PHF21B: variants seen among roughly 807,000 people sequenced by gnomAD.
PHF21B encodes PHD finger protein 21B.
PHF21B carries 22 observed loss-of-function variants against 62.2 expected under a neutral mutation model. That is an observed-to-expected ratio of 0.35 (90% CI 0.25 to 0.51). The LOEUF (loss-of-function observed/expected upper bound fraction) is 0.51, where lower values mean the gene tolerates loss of function less well. PHF21B is among the 20% of genes least tolerant of loss of function. The pLI, the probability that PHF21B is intolerant of heterozygous loss-of-function variation, is 0.97. For missense variants in PHF21B, 701 were observed against 707.9 expected (o/e 0.99, Z 0.11); for synonymous variants, 341 against 314.7 (o/e 1.08, Z -0.88).
chr22:44,883,411 G>T, intron 12 of PHF21B, 107 bp from the exon 13 acceptor site: 1 of 1,058,252 alleles, frequency 9.4e-7, no homozygotes, highest in Non-Finnish European at 1.3e-6. Flanking sequence ...AGGCCTACAA[G>T]AAACCAGGCT....
At chr22:44,894,935 G>A (rs1342375381) in intron 6 of PHF21B, among the ~76,000 whole-genome samples, 1 of 152,192 alleles carries the variant, frequency 6.6e-6, no homozygotes, top group Non-Finnish European at 1.5e-5. Context: ...CCCCTCCCCT[G>A]GGCTTCGGTG....
At chr22:44,991,898 A>G (rs1267856534) in intron 2 of PHF21B, among the ~76,000 whole-genome samples, 1 of 152,232 alleles carries the variant, frequency 6.6e-6, no homozygotes, top group Non-Finnish European at 1.5e-5. Flanking sequence ...CCAAAAACAT[A>G]TTTAGTAAAT....
intron 2 of PHF21B, among the ~76,000 whole-genome samples, chr22:44,991,063 G>A (rs1001209641): frequency 7.2e-5 from 11 of 152,170 alleles, no homozygotes; most frequent in African/African-American, 2.7e-4. Context: ...TGTCACGAGG[G>A]TGCCGTCCAT....
intron 2 of PHF21B, among the ~76,000 whole-genome samples, chr22:44,959,633 G>C (rs1428534441): frequency 6.6e-6 from 1 of 152,190 alleles, no homozygotes; most frequent in Non-Finnish European, 1.5e-5. Context: ...GCACCCAGGT[G>C]GTCCCGGTGC....
chr22:44,936,171 T>C (rs5766210), intron 2 of PHF21B, among the ~76,000 whole-genome samples: 91,233 of 152,164 alleles, frequency 0.6, 29,449 homozygotes, highest in Admixed American at 0.71. Context: ...CTGGGATGAA[T>C]GGGCCAAGCC....
chr22:44,990,568 G>A (rs866883031), intron 2 of PHF21B, among the ~76,000 whole-genome samples: 25 of 152,158 alleles, frequency 1.6e-4, no homozygotes, highest in African/African-American at 5.8e-4. Flanking sequence ...AAAAGCCAGT[G>A]GCAAAAAGAT....
chr22:44,907,963 C>T (rs2071280253), intron 5 of PHF21B, among the ~76,000 whole-genome samples: 1 of 152,192 alleles, frequency 6.6e-6, no homozygotes, highest in Admixed American at 6.5e-5. Flanking sequence ...TGAGGCCAGC[C>T]TTGTGGCCCC....
At position 44,900,669 on chromosome 22, in the gene PHF21B, C is replaced by T. The variant is rs1365721281; in HGVS notation, c.832-4586G>A. 2.6e-5 allele frequency among the ~76,000 whole-genome samples: 4 copies of T among 152,260 alleles called. No homozygotes were observed. In the East Asian group the frequency reaches 7.7e-4, roughly 29 times the overall value. On this transcript the variant is annotated intron_variant, in intron 5 of 12. Transcript: ENST00000313237. Reference sequence around the variant, plus strand: ...GCTTGGCTGCAAATGAAATCCTTGGCTTGTTCTTTCTTTCCCTTATTTTCT... The same window carrying T: ...GCTTGGCTGCAAATGAAATCCTTGGTTTGTTCTTTCTTTCCCTTATTTTCT...
At chr22:44,944,506 T>C (rs1405399760) in intron 2 of PHF21B, among the ~76,000 whole-genome samples, 1 of 152,196 alleles carries the variant, frequency 6.6e-6, no homozygotes, top group East Asian at 1.9e-4. Context: ...CAAGTTTGTA[T>C]TATTGCCTCG....
At chr22:44,980,669 C>A (rs970024652) in intron 2 of PHF21B, among the ~76,000 whole-genome samples, 1 of 152,216 alleles carries the variant, frequency 6.6e-6, no homozygotes, top group Non-Finnish European at 1.5e-5. Context: ...ACTGCCTCCC[C>A]CAAGACCGCA....
At position 45,009,263 on chromosome 22, in the gene PHF21B, C is replaced by T. The variant is rs2073382192; in HGVS notation, c.54+233G>A. ...ATCGCTTAAGAGAAGACTCCAGGCT[C>T]GGGTCCCACGCGTCCTCGATCCCGC... is the stretch of plus-strand genomic sequence containing the variant. On this transcript the variant is annotated intron_variant, in intron 1 of 12. Transcript: ENST00000313237. The surrounding 1 kb of genome is among the most constrained non-coding windows in gnomAD (Gnocchi z 5.9). 1 of 547,282 alleles carries T rather than the reference C, an allele frequency of 1.8e-6. No individual in the cohort carries two copies. Among genetic ancestry groups the T allele is most frequent in the Admixed American group, 4.0e-5 (1 of 25,292 alleles). The allele number at this position is 547,282 out of a possible 1,614,324, so 33.9% of individuals were successfully genotyped here.
In PHF21B at chr22:44,887,963, C is replaced by T; in HGVS notation, c.1197G>A (p.Lys399=). The stretch of plus-strand genomic sequence containing the variant: ...GAGGGGGTCACACAGCCTCCTGTAC[C>T]TTCTGCTGGCACCTGGGGCACACCC... The part of the protein sequence containing the change: ...GVWVCPRCQQ[K]ALKKDEGVPW... Residue 399 remains lysine (K), a splice_region_variant and synonymous_variant, in exon 10 of 13, where the codon AAG becomes AAA. Transcript: ENST00000313237. 6.6e-7 allele frequency: 1 copy of T among 1,522,922 alleles called. No individual in the cohort carries two copies. The highest frequency in any genetic ancestry group is 8.8e-7 in the Non-Finnish European group (1 of 1,133,862). The allele number at this position is 1,522,922 out of a possible 1,614,324, so 94.3% of individuals were successfully genotyped here.
At chr22:44,923,248 A>G (rs956269353) in intron 2 of PHF21B, among the ~76,000 whole-genome samples, 1 of 152,020 alleles carries the variant, frequency 6.6e-6, no homozygotes, top group Non-Finnish European at 1.5e-5. Flanking sequence ...AAAAAAGATA[A>G]TGTTTTCAAA....
chr22:45,001,733 C>T (rs2073222534), intron 2 of PHF21B: 1 of 152,220 alleles, frequency 6.6e-6, no homozygotes, highest in Non-Finnish European at 1.5e-5. Context: ...TGAGCTGTTC[C>T]CAAGAGACCT....
intron 2 of PHF21B, chr22:45,003,590 C>T (rs981464309): frequency 2.0e-5 from 3 of 152,302 alleles, no homozygotes; most frequent in Non-Finnish European, 4.4e-5. Context: ...GGGATTCATT[C>T]CAAGAGCAAG....
intron 2 of PHF21B, among the ~76,000 whole-genome samples, chr22:44,955,713 G>A (rs960284459): frequency 3.3e-5 from 5 of 152,120 alleles, no homozygotes; most frequent in African/African-American, 7.2e-5. Flanking sequence ...TGACAGCACC[G>A]GCGTTCCAGA....
intron 5 of PHF21B, among the ~76,000 whole-genome samples, chr22:44,912,957 C>G (rs2071370696): frequency 6.6e-6 from 1 of 150,588 alleles, no homozygotes; most frequent in East Asian, 1.9e-4. Flanking sequence ...TGGAAAAGAC[C>G]CAGAGTGGAG....
At chr22:44,945,977 G>A (rs1336082948) in intron 2 of PHF21B, among the ~76,000 whole-genome samples, 1 of 152,118 alleles carries the variant, frequency 6.6e-6, no homozygotes, top group African/African-American at 2.4e-5. Flanking sequence ...TCTTGCCCAA[G>A]TCACCCACTT....
intron 2 of PHF21B, among the ~76,000 whole-genome samples, chr22:44,945,078 T>C (rs1025962709): frequency 2.6e-5 from 4 of 152,238 alleles, no homozygotes; most frequent in East Asian, 1.9e-4. Context: ...CCCGTATTAA[T>C]TTCCTGCCTC....
Sources: gnomAD v4.1 joint callset for allele counts (sites outside exome capture counted in the v4.1 genomes callset) on GRCh38, gnomAD v4.1.1 for gene constraint, Gnocchi (gnomAD v3.1) non-coding constraint, MANE v1.5 for transcripts, NCBI Gene and HGNC (gene_info 2026-07-23, HGNC 2026-07-21) for gene names.